Variants in SMOC2 observed in about 807,000 individuals in gnomAD.
SMOC2 encodes SPARC related modular calcium binding 2, also known as SPARC-related modular calcium-binding protein 2.
SMOC2 carries 39 observed loss-of-function variants against 61.4 expected under a neutral mutation model. The ratio of observed to expected loss-of-function variants is 0.64; its 90% CI spans 0.49 to 0.83. The LOEUF (loss-of-function observed/expected upper bound fraction) is 0.83, where lower values mean the gene tolerates loss of function less well. SMOC2 is among the 40% of genes least tolerant of loss of function. SMOC2 has a pLI of 0.00. For missense variants in SMOC2, 556 were observed against 592.9 expected (o/e 0.94, Z 0.65); for synonymous variants, 247 against 239.9 (o/e 1.03, Z -0.27).
At chr6:168,545,129 AAAGG>A (rs1323254205) in intron 5 of SMOC2, among the ~76,000 whole-genome samples, 1 of 152,136 alleles carries the variant, frequency 6.6e-6, no homozygotes, top group African/African-American at 2.4e-5. Flanking sequence ...ATTTGTAGAG[AAAGG>A]AAGGGACAAT....
intron 9 of SMOC2, among the ~76,000 whole-genome samples, chr6:168,620,111 C>A (rs1368143211): frequency 6.6e-6 from 1 of 152,198 alleles, no homozygotes; most frequent in Non-Finnish European, 1.5e-5. Flanking sequence ...TCTCTCCCCT[C>A]CACCAAACCA....
intron 4 of SMOC2, among the ~76,000 whole-genome samples, chr6:168,542,633 G>C (rs528851616): frequency 1.3e-5 from 2 of 152,214 alleles, no homozygotes; most frequent in African/African-American, 2.4e-5. Context: ...GTTTAGGGGT[G>C]TCTGGGCACT....
chr6:168,470,320 G>A (rs1298361687), intron 1 of SMOC2, among the ~76,000 whole-genome samples: 1 of 152,122 alleles, frequency 6.6e-6, no homozygotes, highest in Non-Finnish European at 1.5e-5. Flanking sequence ...CCTGTTGTTA[G>A]TGAAGCTATT....
chr6:168,553,441 G>A lies in SMOC2; in HGVS notation c.637+4238G>A, dbSNP rs1291265084. Reference sequence around the variant, plus strand: ...TTAATTATGTAAGATTTAAACAAATGTAAATCGAATTAGTACTCTTCCCTA... The same window carrying A: ...TTAATTATGTAAGATTTAAACAAATATAAATCGAATTAGTACTCTTCCCTA... On this transcript the variant is annotated intron_variant, in intron 7 of 12. Transcript: ENST00000356284. The surrounding 1 kb of genome is among the most constrained non-coding windows in gnomAD (Gnocchi z 4.2). 6.6e-6 allele frequency among the ~76,000 whole-genome samples: 1 copy of A among 152,176 alleles called. No individual in the cohort carries two copies. The highest frequency in any genetic ancestry group is 1.5e-5 in the Non-Finnish European group (1 of 68,040).
rs187153709 is a variant in SMOC2 at position 168,579,314 on chromosome 6, G to C, written c.638-19504G>C. On this transcript the variant is annotated intron_variant, in intron 7 of 12. Transcript: ENST00000356284. Reference sequence around the variant, plus strand: ...ATGAAAAGTGAAGTGTTAAAAAGTGGCCCCCTCTGGCTATTGGCTTATGCC... The same window carrying C: ...ATGAAAAGTGAAGTGTTAAAAAGTGCCCCCCTCTGGCTATTGGCTTATGCC... Among the ~76,000 whole-genome samples the C allele has an allele frequency of 2.6e-5, 4 of 152,280 alleles. No individual in the cohort carries two copies. The East Asian group carries it at 7.7e-4, about 29-fold the overall frequency.
chr6:168,463,767 G>A (rs545705184), intron 1 of SMOC2, among the ~76,000 whole-genome samples: 3 of 152,282 alleles, frequency 2.0e-5, no homozygotes, highest in South Asian at 2.1e-4. Context: ...GCCCAGGCGT[G>A]TTGCTCAGGC....
At chr6:168,579,340 G>A (rs768965710) in intron 7 of SMOC2, among the ~76,000 whole-genome samples, 34 of 152,146 alleles carry the variant, frequency 2.2e-4, no homozygotes, top group African/African-American at 6.5e-4. Flanking sequence ...GGCTTATGCC[G>A]CCTGTCACAG....
rs117428966 is a variant in SMOC2, at chr6:168,482,170, G to A, written c.85-27745G>A. On this transcript the variant is annotated intron_variant, in intron 1 of 12. Coordinates refer to ENST00000356284, the MANE Select transcript of SMOC2 (RefSeq NM_001166412.2). ...TACATAGACTAAGAAAAAAAGAGAC[G>A]TTTCAAATTACTAAAATAGAAAGTG... Among the ~76,000 whole-genome samples, 54 of 151,778 alleles carry A rather than the reference G, an allele frequency of 3.6e-4. No homozygotes were observed. In the East Asian group the frequency reaches 6.8e-3, roughly 19 times the overall value.
rs1784168293 is a variant in SMOC2, at chr6:168,553,115, G to A, written c.637+3912G>A. Among the ~76,000 whole-genome samples, 1 of 152,110 alleles carries A rather than the reference G, an allele frequency of 6.6e-6. No homozygotes were observed. Among genetic ancestry groups the A allele is most frequent in the Non-Finnish European group, 1.5e-5 (1 of 68,034 alleles). ...AAGAGAGAATCTAGGCACCCCTAGAGGTTGCCTATTAGACTTATATTGATT... is the reference window on the plus strand; with the variant it reads ...AAGAGAGAATCTAGGCACCCCTAGAAGTTGCCTATTAGACTTATATTGATT... On this transcript the variant is annotated intron_variant, in intron 7 of 12. Transcript: ENST00000356284. The surrounding 1 kb of genome is among the most constrained non-coding windows in gnomAD (Gnocchi z 4.2).
intron 1 of SMOC2, among the ~76,000 whole-genome samples, chr6:168,463,696 C>A (rs1781762928): frequency 6.6e-6 from 1 of 152,098 alleles, no homozygotes; most frequent in African/African-American, 2.4e-5. Flanking sequence ...TTACAGAGAG[C>A]ATCATCCTGA....
chr6:168,614,870 C>T (rs1304727812), intron 9 of SMOC2, among the ~76,000 whole-genome samples: 1 of 21,424 alleles, frequency 4.7e-5, no homozygotes, highest in Admixed American at 4.8e-4. Context: ...CCTCTTCACA[C>T]CTACAGCCAG....
intron 12 of SMOC2, 136 bp from the exon 13 acceptor site, chr6:168,666,285 A>G: frequency 1.7e-6 from 1 of 574,194 alleles, no homozygotes. Flanking sequence ...ATTGTTTCTT[A>G]CTCATACTTA....
At chr6:168,639,685 T>C (rs1786841659) in intron 9 of SMOC2, among the ~76,000 whole-genome samples, 1 of 152,258 alleles carries the variant, frequency 6.6e-6, no homozygotes, top group South Asian at 2.1e-4. Flanking sequence ...GGCAAATACT[T>C]GGAATGCGTT....
At chr6:168,655,194 G>A (rs1787289778) in intron 11 of SMOC2, among the ~76,000 whole-genome samples, 3 of 133,362 alleles carry the variant, frequency 2.2e-5, no homozygotes, top group Non-Finnish European at 4.8e-5. Flanking sequence ...CCAGATGTTA[G>A]GAACTCACCA....
At chr6:168,640,748 G>T (rs1009141512) in intron 9 of SMOC2, among the ~76,000 whole-genome samples, 2 of 152,168 alleles carry the variant, frequency 1.3e-5, no homozygotes, top group Non-Finnish European at 2.9e-5. Context: ...AGGGAATGTT[G>T]TAGAAAAAAA....
intron 8 of SMOC2, among the ~76,000 whole-genome samples, chr6:168,606,245 G>T (rs1562377380): frequency 6.6e-6 from 1 of 152,166 alleles, no homozygotes; most frequent in Non-Finnish European, 1.5e-5. Context: ...CGCCTTTCTT[G>T]TGACCTCTTG....
chr6:168,576,977 G>T (rs1784818839), intron 7 of SMOC2, among the ~76,000 whole-genome samples: 1 of 151,012 alleles, frequency 6.6e-6, no homozygotes, highest in Admixed American at 6.6e-5. Flanking sequence ...TTTCCCAGAA[G>T]GAATCCCTGG....
At chr6:168,563,178 G>A (rs1051210119) in intron 7 of SMOC2, among the ~76,000 whole-genome samples, 1 of 152,088 alleles carries the variant, frequency 6.6e-6, no homozygotes, top group Non-Finnish European at 1.5e-5. Context: ...TGGATCCTGT[G>A]TTTAACTCAC....
chr6:168,509,274 CTGTGCCTTAGGCAT>C (rs1329791634), intron 1 of SMOC2, among the ~76,000 whole-genome samples: 1 of 152,228 alleles, frequency 6.6e-6, no homozygotes, highest in Non-Finnish European at 1.5e-5. Flanking sequence ...GAGAGGATTC[CTGTGCCTTAGGCAT>C]TTTCAGAGAA....
Sources: allele counts gnomAD v4.1 joint callset (sites outside exome capture counted in the v4.1 genomes callset), GRCh38; gene constraint gnomAD v4.1.1; non-coding constraint Gnocchi (gnomAD v3.1); transcripts MANE v1.5; gene names NCBI Gene and HGNC (gene_info 2026-07-23, HGNC 2026-07-21).